AAK1: variants seen among roughly 807,000 people sequenced by gnomAD.
AAK1 encodes the protein AP2 associated kinase 1.
In AAK1, 37 loss-of-function variants were observed where a neutral mutation model predicts 116.0. The observed-to-expected ratio is 0.32, with a 90% confidence interval of 0.25 to 0.42. The LOEUF (loss-of-function observed/expected upper bound fraction) is 0.42, where lower values mean the gene tolerates loss of function less well. Among genes scored for constraint, AAK1 ranks in the 10% least tolerant of loss-of-function variants. The pLI is 1.00. For missense variants in AAK1, 919 were observed against 1,170.6 expected (o/e 0.79, Z 3.14); for synonymous variants, 458 against 439.9 (o/e 1.04, Z -0.51).
intron 2 of AAK1, among the ~76,000 whole-genome samples, chr2:69,576,469 A>G (rs768419384): frequency 2.0e-5 from 3 of 152,056 alleles, no homozygotes; most frequent in African/African-American, 4.8e-5. Context: ...CCCAATAGTT[A>G]TCTTTTCTGC....
rs969958662 is a variant in AAK1, at chr2:69,463,998, A to C, written c.*11871T>G. 1.3e-5 allele frequency: 2 copies of C among 152,632 alleles called. No individual in the cohort carries two copies. Among genetic ancestry groups the C allele is most frequent in the Admixed American group, 1.3e-4 (2 of 15,278 alleles). The allele number at this position is 152,632 out of a possible 1,614,324, so 9.5% of individuals were successfully genotyped here. On this transcript the variant is annotated 3_prime_UTR_variant, in exon 22 of 22. Coordinates refer to ENST00000409085, the MANE Select transcript of AAK1 (RefSeq NM_014911.5). ...AATAAAGGGTATGAAAAAAGCTAGG[A>C]ATAAGTCAGATCTTTCCAGAAATAA...
chr2:69,613,274 C>T (rs1674166973), intron 2 of AAK1, among the ~76,000 whole-genome samples: 1 of 152,154 alleles, frequency 6.6e-6, no homozygotes, highest in African/African-American at 2.4e-5. Context: ...GGTCGTTGCC[C>T]CTGATTCCTG....
intron 2 of AAK1, among the ~76,000 whole-genome samples, chr2:69,611,211 G>C (rs370485544): frequency 6.6e-6 from 1 of 152,184 alleles, no homozygotes; most frequent in Non-Finnish European, 1.5e-5. Flanking sequence ...CTGCCAACGC[G>C]GCTAGAACAA....
chr2:69,556,800 T>G, intron 3 of AAK1, 60 bp downstream of exon 3: 212 of 1,361,852 alleles, frequency 1.6e-4, no homozygotes, highest in Non-Finnish European at 2.0e-4. Context: ...GGCTTTCTTA[T>G]GAGAGGGTAC....
chr2:69,522,723 G>C (rs1014068561), intron 10 of AAK1, among the ~76,000 whole-genome samples: 1 of 151,652 alleles, frequency 6.6e-6, no homozygotes, highest in Non-Finnish European at 1.5e-5. Context: ...AGAATCACTT[G>C]AACCCGGGAG....
intron 13 of AAK1, 46 bp from the exon 14 acceptor site, chr2:69,509,506 A>T (rs757409285): frequency 6.7e-7 from 1 of 1,497,782 alleles, no homozygotes; most frequent in Non-Finnish European, 9.0e-7. Context: ...TTAAAAAAAA[A>T]AGTTAAAGGA....
At chr2:69,625,324 C>T (rs910821203) in intron 2 of AAK1, among the ~76,000 whole-genome samples, 5 of 152,118 alleles carry the variant, frequency 3.3e-5, no homozygotes, top group South Asian at 4.1e-4. Flanking sequence ...CATAAGGAAG[C>T]GGAAACCACC....
intron 12 of AAK1, among the ~76,000 whole-genome samples, chr2:69,516,327 AC>A (rs1676580221): frequency 6.6e-6 from 1 of 151,858 alleles, no homozygotes; most frequent in African/African-American, 2.4e-5. Flanking sequence ...AAAAAAAAAA[AC>A]AACAAAATCC....
At chr2:69,611,070 G>A (rs1481288103) in intron 2 of AAK1, among the ~76,000 whole-genome samples, 1 of 152,152 alleles carries the variant, frequency 6.6e-6, no homozygotes, top group African/African-American at 2.4e-5. Context: ...TGGATTGAGG[G>A]ATGCCTAGAT....
At chr2:69,637,536 C>T (rs1479337174) in intron 2 of AAK1, among the ~76,000 whole-genome samples, 1 of 152,110 alleles carries the variant, frequency 6.6e-6, no homozygotes, top group Non-Finnish European at 1.5e-5. Context: ...ATAAAATAGA[C>T]CGGAGGCAAG....
intron 2 of AAK1, among the ~76,000 whole-genome samples, chr2:69,608,515 T>C (rs1344825233): frequency 6.6e-6 from 1 of 152,246 alleles, no homozygotes. Context: ...GATACTTAAG[T>C]AAGTGGTTTT....
chr2:69,479,334 G>C (rs1319650755), intron 19 of AAK1, among the ~76,000 whole-genome samples: 1 of 152,080 alleles, frequency 6.6e-6, no homozygotes, highest in Non-Finnish European at 1.5e-5. Context: ...ATGTGTGGAG[G>C]CTTCTGGATT....
chr2:69,507,717 T>TA (rs1676241511), intron 14 of AAK1, 139 bp from the exon 15 acceptor site: 1 of 961,124 alleles, frequency 1.0e-6, no homozygotes, highest in Admixed American at 3.1e-5. Context: ...ATTTTTTTTT[T>TA]TTTTTTTGAG....
At chr2:69,516,843 T>C (rs1020208610) in intron 12 of AAK1, 5 of 152,242 alleles carry the variant, frequency 3.3e-5, no homozygotes, top group African/African-American at 4.8e-5. Flanking sequence ...GGTTGTAGTA[T>C]GCTATGCTAG....
At chr2:69,494,383 C>A (rs1238016279) in intron 17 of AAK1, among the ~76,000 whole-genome samples, 2 of 152,176 alleles carry the variant, frequency 1.3e-5, no homozygotes, top group Non-Finnish European at 2.9e-5. Flanking sequence ...GGCTCTTCAA[C>A]CCTGATCCAG....
intron 6 of AAK1, chr2:69,531,497 G>T: frequency 1.2e-6 from 1 of 808,480 alleles, no homozygotes; most frequent in Non-Finnish European, 1.5e-6. Context: ...GTGGACATGA[G>T]GAGAAAATGG....
intron 2 of AAK1, among the ~76,000 whole-genome samples, chr2:69,593,426 CAAGT>C (rs1312613456): frequency 6.6e-6 from 1 of 151,296 alleles, no homozygotes; most frequent in Non-Finnish European, 1.5e-5. Flanking sequence ...ATTTTTACCA[CAAGT>C]AAATTTTTTT....
At chr2:69,494,059 TTA>T (rs1407355046) in intron 17 of AAK1, among the ~76,000 whole-genome samples, 1 of 152,306 alleles carries the variant, frequency 6.6e-6, no homozygotes, top group East Asian at 1.9e-4. Context: ...ACTGTCTGAC[TTA>T]TGTTTTCAAC....
intron 3 of AAK1, among the ~76,000 whole-genome samples, chr2:69,553,228 A>G (rs1671249002): frequency 6.6e-6 from 1 of 152,122 alleles, no homozygotes; most frequent in Non-Finnish European, 1.5e-5. Context: ...CAAAGAGAAA[A>G]TTTGTAAATT....
Sources: gnomAD v4.1 joint callset for allele counts (sites outside exome capture counted in the v4.1 genomes callset) on GRCh38, gnomAD v4.1.1 for gene constraint, MANE v1.5 for transcripts, NCBI Gene and HGNC (gene_info 2026-07-23, HGNC 2026-07-21) for gene names.